WWP2: variants seen among roughly 807,000 people sequenced by gnomAD.
WWP2 encodes NEDD4-like E3 ubiquitin-protein ligase WWP2.
Under a neutral mutation model 121.0 loss-of-function variants are expected in WWP2, and 57 were observed. The ratio of observed to expected loss-of-function variants is 0.47; its 90% CI spans 0.38 to 0.59. WWP2 has a LOEUF of 0.59. Ranked by LOEUF, WWP2 falls within the 20% of genes least tolerant of loss-of-function variation. The pLI is 0.00. For missense variants in WWP2, 962 were observed against 1,158.9 expected, an observed-to-expected ratio of 0.83 and a Z score of 2.47; for synonymous variants, 449 against 441.3, an observed-to-expected ratio of 1.02 and a Z score of -0.22.
At chr16:69,876,353 G>GT (rs1597094653) in intron 7 of WWP2, among the ~76,000 whole-genome samples, 22 of 147,222 alleles carry the variant, frequency 1.5e-4, no homozygotes, top group East Asian at 1.0e-3. Context: ...TGTTTTTTGG[G>GT]GTTTTTTTTT....
intron 6 of WWP2, among the ~76,000 whole-genome samples, chr16:69,853,813 C>A (rs796877359): frequency 4.6e-5 from 7 of 152,282 alleles, no homozygotes; most frequent in African/African-American, 1.7e-4. Context: ...TCCCAGATTC[C>A]TCTACTGTGC....
intron 6 of WWP2, among the ~76,000 whole-genome samples, chr16:69,851,266 C>T (rs2057207919): frequency 6.6e-6 from 1 of 151,834 alleles, no homozygotes; most frequent in Non-Finnish European, 1.5e-5. Flanking sequence ...GATCCACGTG[C>T]CTTGGCCCTC....
At chr16:69,911,671 G>C (rs2151964764) in intron 9 of WWP2, among the ~76,000 whole-genome samples, 1 of 152,300 alleles carries the variant, frequency 6.6e-6, no homozygotes, top group African/African-American at 2.4e-5. Flanking sequence ...GTGCTTCTTA[G>C]AAGTGGAAAT....
intron 1 of WWP2, among the ~76,000 whole-genome samples, chr16:69,763,048 G>A (rs186794799): frequency 4.6e-5 from 7 of 151,998 alleles, no homozygotes; most frequent in Non-Finnish European, 8.8e-5. Context: ...GGCCATCATC[G>A]AGGCTTTAAA....
chr16:69,797,009 G>C (rs2056061193), intron 2 of WWP2, among the ~76,000 whole-genome samples: 1 of 152,240 alleles, frequency 6.6e-6, no homozygotes, highest in African/African-American at 2.4e-5. Flanking sequence ...GCTCAGGCTA[G>C]GATAGACTTG....
chr16:69,906,816 G>A (rs1299470546), intron 8 of WWP2, among the ~76,000 whole-genome samples: 1 of 152,140 alleles, frequency 6.6e-6, no homozygotes, highest in African/African-American at 2.4e-5. Context: ...AGAATCAGAG[G>A]CTGTAGTGAG....
intron 7 of WWP2, among the ~76,000 whole-genome samples, chr16:69,872,343 A>C (rs2057656780): frequency 6.6e-6 from 1 of 151,768 alleles, no homozygotes; most frequent in Non-Finnish European, 1.5e-5. Flanking sequence ...CAGCCTCCTG[A>C]GTAGCTGGGA....
At chr16:69,874,220 A>G (rs1399026452) in intron 7 of WWP2, among the ~76,000 whole-genome samples, 1 of 152,156 alleles carries the variant, frequency 6.6e-6, no homozygotes, top group Non-Finnish European at 1.5e-5. Context: ...TACTTTATAT[A>G]ACGTCTGCCC....
chr16:69,801,374 A>G (rs1034507428), intron 4 of WWP2, among the ~76,000 whole-genome samples: 1 of 151,480 alleles, frequency 6.6e-6, no homozygotes, highest in South Asian at 2.1e-4. Context: ...AGCTGGGACT[A>G]CAGGCACACG....
chr16:69,821,724 C>CTT (rs557543615), intron 4 of WWP2, among the ~76,000 whole-genome samples: 31 of 130,794 alleles, frequency 2.4e-4, no homozygotes, highest in African/African-American at 3.7e-4. Flanking sequence ...TTCTTTCTTA[C>CTT]TTTTTTTTTT....
chr16:69,855,106 C>T (rs2057287122), intron 6 of WWP2, among the ~76,000 whole-genome samples: 1 of 152,228 alleles, frequency 6.6e-6, no homozygotes, highest in African/African-American at 2.4e-5. Flanking sequence ...CTTGGCCTTC[C>T]AAAGTGCTGG....
At chr16:69,830,843 C>G (rs570133405) in intron 4 of WWP2, among the ~76,000 whole-genome samples, 4 of 152,302 alleles carry the variant, frequency 2.6e-5, no homozygotes, top group African/African-American at 9.6e-5. Flanking sequence ...TCTCTCTAGA[C>G]CTGGGGTGGA....
chr16:69,909,876 C>T (rs990488909), intron 9 of WWP2: 1 of 283,628 alleles, frequency 3.5e-6, no homozygotes, highest in East Asian at 1.8e-4. Context: ...GGTTTTGTTT[C>T]ATCTGTACAA....
rs577275392 is a variant in WWP2, at chr16:69,938,969, G to A, written c.2344-58G>A. On this transcript the variant is annotated intron_variant, in intron 21 of 23. Coordinates refer to ENST00000359154, the MANE Select transcript of WWP2 (RefSeq NM_001270454.2). ...CGCTGAGCTAGAGAGCTCCACGTTC[G>A]GGCAAAGTACTGGGCCCCGTGGGTT... is the stretch of plus-strand genomic sequence containing the variant. 46 of 1,507,956 alleles carry A rather than the reference G, an allele frequency of 3.1e-5. No homozygotes were observed. The East Asian group carries it at 3.7e-4, about 12-fold the overall frequency. 93.4% of individuals were successfully genotyped at this position (1,507,956 alleles called of 1,614,324 possible).
At chr16:69,795,690 C>T (rs1358823825) in intron 2 of WWP2, among the ~76,000 whole-genome samples, 4 of 112,394 alleles carry the variant, frequency 3.6e-5, no homozygotes, top group African/African-American at 1.4e-4. Flanking sequence ...GAGTCTCTCT[C>T]CATCACCCAG....
Position 69,798,770 on chromosome 16 carries a change from C to T in WWP2, c.159C>T (p.Thr53=), listed in dbSNP as rs975395363. 4 of 1,613,912 alleles carry T rather than the reference C, an allele frequency of 2.5e-6. No homozygotes were observed. The highest frequency in any genetic ancestry group is 3.4e-6 in the Non-Finnish European group (4 of 1,180,008). ...EVAVDGLPSE[T]KKTGKRIGSS... is the part of the protein sequence containing the mutation. ...CGGTGGATGGACTCCCCAGTGAGAC[C>T]AAGAAGACTGGGAAGCGCATTGGGA... The change falls in exon 3 of 24, where the codon ACC becomes ACT. Residue 53 remains threonine, a synonymous_variant. Transcript: ENST00000359154.
chr16:69,777,531 C>T (rs1368526433), intron 1 of WWP2, among the ~76,000 whole-genome samples: 1 of 151,766 alleles, frequency 6.6e-6, no homozygotes, highest in Non-Finnish European at 1.5e-5. Flanking sequence ...GAACTCCTGA[C>T]CTCAAGCAAT....
chr16:69,847,436 T>C (rs2057104495), intron 6 of WWP2, among the ~76,000 whole-genome samples: 1 of 149,616 alleles, frequency 6.7e-6, no homozygotes, highest in African/African-American at 2.5e-5. Flanking sequence ...TGAGATGGAG[T>C]TTCACTCTTG....
chr16:69,840,333 G>A (rs2056955085), intron 5 of WWP2, 70 bp downstream of exon 5: 2 of 1,598,724 alleles, frequency 1.3e-6, no homozygotes, highest in Admixed American at 1.7e-5. Flanking sequence ...AGGAGGTGCT[G>A]AGAGCTTGGT....
Sources: gnomAD v4.1 joint callset for allele counts (sites outside exome capture counted in the v4.1 genomes callset) on GRCh38, gnomAD v4.1.1 for gene constraint, MANE v1.5 for transcripts, NCBI Gene and HGNC (gene_info 2026-07-23, HGNC 2026-07-21) for gene names.